TRPC4: variants seen among roughly 807,000 people sequenced by gnomAD.
TRPC4 encodes short transient receptor potential channel 4.
Under a neutral mutation model 99.4 loss-of-function variants are expected in TRPC4, and 49 were observed. The observed-to-expected ratio is 0.49, with a 90% CI of 0.39 to 0.63. TRPC4 has a LOEUF of 0.63. TRPC4 is among the 20% of genes least tolerant of loss of function. The pLI, the probability that TRPC4 is intolerant of heterozygous loss-of-function variation, is 0.00. For missense variants in TRPC4, 898 were observed against 1,152.9 expected, an observed-to-expected ratio of 0.78 and a Z score of 3.20; for synonymous variants, 454 against 425.9, an observed-to-expected ratio of 1.07 and a Z score of -0.81.
intron 2 of TRPC4, among the ~76,000 whole-genome samples, chr13:37,777,568 A>G (rs550365103): frequency 3.0e-4 from 45 of 151,156 alleles, no homozygotes; most frequent in South Asian, 1.3e-3. Context: ...GAGCCACACC[A>G]TATCAACAAT....
chr13:37,783,289 T>G lies in TRPC4; in HGVS notation c.45A>C (p.Arg15Ser). Residue 15 changes from arginine (R) to serine (S), a missense_variant, in exon 2 of 11, where the codon AGA becomes AGC. Arg to Ser is a moderately radical substitution (Grantham distance 110). This residue lies in a region of TRPC4 where 278 missense variants were observed against 346.6 expected (regional missense o/e 0.80). Transcript: ENST00000379705. ...YYKRNVNAPY[R>S]DRIPLRIVRA... ...TTACTATCCTTAGAGGGATGCGGTC[T>G]CTATAGGGAGCATTAACATTTCTTT... The G allele has an allele frequency of 6.2e-7, 1 of 1,603,690 alleles. No individual in the cohort carries two copies. Among genetic ancestry groups the G allele is most frequent in the Non-Finnish European group, 8.5e-7 (1 of 1,176,646 alleles).
chr13:37,840,749 T>C (rs535047898), intron 1 of TRPC4, among the ~76,000 whole-genome samples: 220 of 152,184 alleles, frequency 1.4e-3, no homozygotes, highest in African/African-American at 5.1e-3. Flanking sequence ...TTTTCAAGTT[T>C]ATAACATTCC....
chr13:37,763,582 C>T (rs909554089), intron 2 of TRPC4, among the ~76,000 whole-genome samples: 1 of 151,642 alleles, frequency 6.6e-6, no homozygotes, highest in Admixed American at 6.6e-5. Flanking sequence ...GTAAAACTAG[C>T]TGAAATGGTT....
Position 37,852,150 on chromosome 13 carries a change from G to A in TRPC4, c.-28+17445C>T, listed in dbSNP as rs549897188. On this transcript the variant is annotated intron_variant, in intron 1 of 10. Transcript: ENST00000379705. ...GTGACCTGGGGAGACATCAGCTGGG[G>A]CAGCTGAAGAAGAGCTTATGCCATC... is the stretch of plus-strand genomic sequence containing the variant. 3.8e-4 allele frequency among the ~76,000 whole-genome samples: 58 copies of A among 152,286 alleles called. 1 individual carries two copies. Among genetic ancestry groups the A allele is most frequent in the African/African-American group, 1.3e-3 (52 of 41,554 alleles).
At chr13:37,758,555 A>G (rs1478372349) in intron 2 of TRPC4, among the ~76,000 whole-genome samples, 1 of 151,802 alleles carries the variant, frequency 6.6e-6, no homozygotes, top group East Asian at 1.9e-4. Context: ...ATAATGCAAT[A>G]AGATTAGAAA....
Position 37,663,685 on chromosome 13 carries a change from G to A in TRPC4, c.1419C>T (p.Pro473=). Residue 473 remains proline (P), a synonymous_variant, in exon 6 of 11, where the codon CCC becomes CCT. Transcript: ENST00000379705. ...NPRESWDMWH[P]TLVAEALFAI... is the part of the protein sequence containing the mutation. ...CAAATAAAGCCTCTGCCACCAGAGT[G>A]GGATGCCACATGTCCCATGATTCTC... The A allele has an allele frequency of 6.2e-7, 1 of 1,614,114 alleles. No homozygotes were observed. The highest frequency in any genetic ancestry group is 2.2e-5 in the East Asian group (1 of 44,872).
intron 3 of TRPC4, among the ~76,000 whole-genome samples, chr13:37,693,603 T>C (rs1271496779): frequency 6.6e-6 from 1 of 152,178 alleles, no homozygotes; most frequent in Non-Finnish European, 1.5e-5. Context: ...TTTCTGATGG[T>C]AAGCAAGCAA....
At chr13:37,678,443 T>G (rs1012771922) in intron 4 of TRPC4, among the ~76,000 whole-genome samples, 2 of 151,980 alleles carry the variant, frequency 1.3e-5, no homozygotes, top group Non-Finnish European at 2.9e-5. Context: ...ATATAGATCT[T>G]ATAGATATTA....
intron 3 of TRPC4, among the ~76,000 whole-genome samples, chr13:37,692,827 G>A (rs1048835548): frequency 1.1e-4 from 17 of 152,036 alleles, no homozygotes; most frequent in Non-Finnish European, 1.9e-4. Context: ...ATCAGGAAAA[G>A]CAAATGAACT....
intron 8 of TRPC4, among the ~76,000 whole-genome samples, chr13:37,650,765 T>C (rs1952020403): frequency 6.6e-6 from 1 of 152,166 alleles, no homozygotes; most frequent in Admixed American, 6.5e-5. Flanking sequence ...GTTATAATAT[T>C]CAGTCAATCA....
rs531574994 is a variant in TRPC4 at position 37,766,606 on chromosome 13, C to G, written c.378+16350G>C. On this transcript the variant is annotated intron_variant, in intron 2 of 10. Coordinates refer to ENST00000379705, the MANE Select transcript of TRPC4 (RefSeq NM_016179.4). ...AGAATGATTCATGAATGAGGAATAG[C>G]AAAGTCAGAGATACATGTGTAGGGT... Among the ~76,000 whole-genome samples, 78 of 151,466 alleles carry G rather than the reference C, an allele frequency of 5.1e-4. 1 individual carries two copies. The South Asian group carries it at 0.014, about 27-fold the overall frequency.
At chr13:37,829,521 A>G (rs1394207634) in intron 1 of TRPC4, among the ~76,000 whole-genome samples, 2 of 152,224 alleles carry the variant, frequency 1.3e-5, no homozygotes, top group East Asian at 1.9e-4. Context: ...ATCTTTGTGC[A>G]TTGCTGGTTG....
chr13:37,649,746 A>AAAAC lies in TRPC4; in HGVS notation c.2079+1518_2079+1519insGTTT, dbSNP rs1951969401. On this transcript the variant is annotated intron_variant, in intron 8 of 10. Coordinates refer to ENST00000379705, the MANE Select transcript of TRPC4 (RefSeq NM_016179.4). ...GACTCCGTCTCAAAAAAAAAAAAAA[A>AAAAC]AAAAAAAAAAAAAACAACAACAAAG... Among the ~76,000 whole-genome samples, 10 of 145,968 alleles carry AAAAC rather than the reference A, an allele frequency of 6.9e-5. No individual in the cohort carries two copies. In the Admixed American group the frequency reaches 7.0e-4, roughly 10 times the overall value.
At chr13:37,810,616 C>T (rs1027163241) in intron 1 of TRPC4, among the ~76,000 whole-genome samples, 1 of 152,000 alleles carries the variant, frequency 6.6e-6, no homozygotes, top group African/African-American at 2.4e-5. Context: ...AAATCTTGAA[C>T]TGTGAAGTTA....
At chr13:37,787,991 A>G (rs1235212138) in intron 1 of TRPC4, among the ~76,000 whole-genome samples, 1 of 152,098 alleles carries the variant, frequency 6.6e-6, no homozygotes, top group Non-Finnish European at 1.5e-5. Flanking sequence ...CAGGGCAAAC[A>G]ATGTTATTGT....
chr13:37,673,961 G>C, intron 5 of TRPC4, among the ~76,000 whole-genome samples: 1 of 152,104 alleles, frequency 6.6e-6, no homozygotes, highest in East Asian at 1.9e-4. Flanking sequence ...AGCAGTTACT[G>C]TGAATAGTTT....
intron 1 of TRPC4, among the ~76,000 whole-genome samples, chr13:37,836,527 G>A (rs557805863): frequency 5.3e-5 from 8 of 152,148 alleles, no homozygotes; most frequent in East Asian, 1.9e-4. Flanking sequence ...AAAGGTGACC[G>A]TTGTTATGTT....
chr13:37,798,589 T>C (rs1182486997), intron 1 of TRPC4, among the ~76,000 whole-genome samples: 2 of 152,154 alleles, frequency 1.3e-5, no homozygotes, highest in Non-Finnish European at 1.5e-5. Context: ...ATGGAACATT[T>C]AGATGAAAAG....
chr13:37,737,884 T>A (rs1184688143), intron 3 of TRPC4, among the ~76,000 whole-genome samples: 1 of 152,176 alleles, frequency 6.6e-6, no homozygotes, highest in Non-Finnish European at 1.5e-5. Context: ...TGATCAGAAA[T>A]TTACATGGAA....
Sources: allele counts gnomAD v4.1 joint callset (sites outside exome capture counted in the v4.1 genomes callset), GRCh38; gene constraint gnomAD v4.1.1; regional missense constraint gnomAD v4.1.1; transcripts MANE v1.5; gene names NCBI Gene and HGNC (gene_info 2026-07-23, HGNC 2026-07-21).